The following VAMP4 variants were observed in gnomAD, a reference collection of about 807,000 sequenced individuals.
The protein encoded by VAMP4 is vesicle-associated membrane protein 4.
A neutral mutation model predicts 23.5 loss-of-function variants in VAMP4; 19 were observed. The observed-to-expected ratio is 0.81, with a 90% CI of 0.56 to 1.19. The LOEUF (loss-of-function observed/expected upper bound fraction) is 1.19. Ranked by LOEUF, VAMP4 falls within the 50% of genes most tolerant of loss-of-function variation. VAMP4 has a pLI of 0.00. For missense variants in VAMP4, 145 were observed against 168.6 expected (o/e 0.86, Z 0.78); for synonymous variants, 31 against 51.0 (o/e 0.61, Z 1.67).
At chr1:171,707,804 T>G (rs747299905) in intron 6 of VAMP4, among the ~76,000 whole-genome samples, 45 of 152,138 alleles carry the variant, frequency 3.0e-4, no homozygotes, top group Non-Finnish European at 3.8e-4. Flanking sequence ...AAGCACGCTA[T>G]TCCTCTGACC....
rs1191399204 is a variant in VAMP4 at position 171,700,982 on chromosome 1, A to G, written c.*3524T>C. 3 of 148,948 alleles carry G rather than the reference A, an allele frequency of 2.0e-5. No homozygotes were observed. The highest frequency in any genetic ancestry group is 3.0e-5 in the Non-Finnish European group (2 of 67,018). The allele number at this position is 148,948 out of a possible 1,614,324, so 9.2% of individuals were successfully genotyped here. ...CCTAATTCTACTTGGTTTCCAGAAGAAAAAAAAAATCAGAATAAGACTATC... is the reference window on the plus strand; with the variant it reads ...CCTAATTCTACTTGGTTTCCAGAAGGAAAAAAAAATCAGAATAAGACTATC... On this transcript the variant is annotated 3_prime_UTR_variant, in exon 8 of 8. Transcript: ENST00000236192.
chr1:171,720,473 A>G (rs1363866414), intron 3 of VAMP4, among the ~76,000 whole-genome samples: 1 of 151,964 alleles, frequency 6.6e-6, no homozygotes, highest in South Asian at 2.1e-4. Flanking sequence ...TTAAAACTTG[A>G]TAAACTTCTA....
intron 7 of VAMP4, among the ~76,000 whole-genome samples, chr1:171,704,836 G>T (rs1654598287): frequency 6.6e-6 from 1 of 151,884 alleles, no homozygotes; most frequent in South Asian, 2.1e-4. Context: ...ATATTTATTA[G>T]AAAGTACATA....
chr1:171,724,408 C>A (rs1251291579), intron 3 of VAMP4, among the ~76,000 whole-genome samples: 1 of 151,968 alleles, frequency 6.6e-6, no homozygotes, highest in Non-Finnish European at 1.5e-5. Flanking sequence ...ACCAACATGG[C>A]ACATGCATAC....
At chr1:171,708,660 A>G (rs1654739449) in intron 6 of VAMP4, among the ~76,000 whole-genome samples, 2 of 151,368 alleles carry the variant, frequency 1.3e-5, no homozygotes, top group Non-Finnish European at 2.9e-5. Flanking sequence ...CAGGAGTTCA[A>G]GACCAGCCTG....
Position 171,703,423 on chromosome 1 carries a change from GTGTATATA to G in VAMP4, c.*1075_*1082del, listed in dbSNP as rs1459679996. 1.0e-3 allele frequency: 82 copies of G among 81,924 alleles called. 1 individual carries two copies. Among genetic ancestry groups the G allele is most frequent in the East Asian group, 3.8e-3 (10 of 2,654 alleles). The allele number at this position is 81,924 out of a possible 1,614,324, so 5.1% of individuals were successfully genotyped here. On this transcript the variant is annotated 3_prime_UTR_variant, in exon 8 of 8. Coordinates refer to ENST00000236192, the MANE Select transcript of VAMP4 (RefSeq NM_003762.5). ...TGTGTGTGTGTGTGTGTGTGTTTGT[GTGTATATA>G]TATATATATATATATATATATATAT...
At chr1:171,726,267 GT>G (rs1183278346) in intron 3 of VAMP4, among the ~76,000 whole-genome samples, 1 of 151,572 alleles carries the variant, frequency 6.6e-6, no homozygotes, top group East Asian at 2.0e-4. Flanking sequence ...GGCCAGGCTG[GT>G]CTTGAACTCC....
intron 4 of VAMP4, among the ~76,000 whole-genome samples, chr1:171,715,434 C>A (rs868561790): frequency 3.9e-5 from 6 of 152,200 alleles, no homozygotes; most frequent in Middle Eastern, 3.4e-3. Flanking sequence ...TAATGTAGAG[C>A]CCCTGGGTTC....
chr1:171,731,429 A>T (rs935736569), intron 2 of VAMP4, among the ~76,000 whole-genome samples: 1 of 150,488 alleles, frequency 6.6e-6, no homozygotes, highest in Admixed American at 6.6e-5. Context: ...TAATAATAAA[A>T]AAAACAGGAT....
chr1:171,729,788 T>G (rs1371334137), intron 2 of VAMP4, among the ~76,000 whole-genome samples: 1 of 152,180 alleles, frequency 6.6e-6, no homozygotes, highest in African/African-American at 2.4e-5. Context: ...GCCTCCTAAG[T>G]AGCTGGGACT....
intron 2 of VAMP4, among the ~76,000 whole-genome samples, chr1:171,734,619 T>C (rs1226300917): frequency 6.6e-6 from 1 of 152,190 alleles, no homozygotes; most frequent in African/African-American, 2.4e-5. Flanking sequence ...TTTATCTCAA[T>C]AAAGCTATTA....
chr1:171,701,255 A>C lies in VAMP4; in HGVS notation c.*3251T>G, dbSNP rs1303799179. 6.6e-6 allele frequency: 1 copy of C among 152,198 alleles called. No homozygotes were observed. The highest frequency in any genetic ancestry group is 1.5e-5 in the Non-Finnish European group (1 of 68,018). 9.4% of individuals were successfully genotyped at this position (152,198 alleles called of 1,614,324 possible). ...AATCACATTTCCATGTGAAAACACA[A>C]AATTAGGTTAACAGAACAGTCATCC... is the stretch of plus-strand genomic sequence containing the variant. On this transcript the variant is annotated 3_prime_UTR_variant, in exon 8 of 8. Coordinates refer to ENST00000236192, the MANE Select transcript of VAMP4 (RefSeq NM_003762.5).
At chr1:171,730,651 C>T (rs1655530664) in intron 2 of VAMP4, among the ~76,000 whole-genome samples, 1 of 146,940 alleles carries the variant, frequency 6.8e-6, no homozygotes, top group African/African-American at 2.5e-5. Context: ...TTAACACTAC[C>T]ATTAAAATAT....
At chr1:171,732,296 G>T (rs1332650322) in intron 2 of VAMP4, among the ~76,000 whole-genome samples, 1 of 151,752 alleles carries the variant, frequency 6.6e-6, no homozygotes, top group Non-Finnish European at 1.5e-5. Flanking sequence ...CAAAGTGGGG[G>T]GATCACTTGA....
chr1:171,711,242 C>A (rs10798603), intron 4 of VAMP4, among the ~76,000 whole-genome samples: 1 of 151,794 alleles, frequency 6.6e-6, no homozygotes, highest in African/African-American at 2.4e-5. Context: ...AAGGAGGTAC[C>A]TTAACATACT....
intron 2 of VAMP4, 47 bp downstream of exon 2, chr1:171,738,302 A>C: frequency 6.2e-7 from 1 of 1,602,372 alleles, no homozygotes. Flanking sequence ...GGGAATGAAA[A>C]CATATTTTGA....
intron 4 of VAMP4, among the ~76,000 whole-genome samples, chr1:171,712,184 A>T (rs1654869583): frequency 6.6e-6 from 1 of 152,144 alleles, no homozygotes; most frequent in Non-Finnish European, 1.5e-5. Context: ...ATTTAAATAG[A>T]TGTAGATATG....
intron 3 of VAMP4, among the ~76,000 whole-genome samples, chr1:171,725,383 T>C (rs888645368): frequency 1.3e-5 from 2 of 152,162 alleles, no homozygotes; most frequent in African/African-American, 4.8e-5. Context: ...GGAGAATCAC[T>C]TGAGGTCAGG....
rs1234972291 is a variant in VAMP4 at position 171,738,399 on chromosome 1, T to A, written c.16A>T (p.Lys6Ter). ...ACATCATCATCATTGAGGTGGCGCT[T>A]AAACTTGGGAGGCATATTTTTTACT... The part of the protein sequence containing the change: MPPKF[K>*]RHLNDDDVTG... Residue 6 changes from lysine (K) to a stop codon, truncating the protein, a stop_gained, in exon 2 of 8, where the codon AAG becomes TAG. Transcript: ENST00000236192. LOFTEE classifies it high-confidence loss of function. 1 of 1,614,186 alleles carries A rather than the reference T, an allele frequency of 6.2e-7. No individual in the cohort carries two copies. Among genetic ancestry groups the A allele is most frequent in the African/African-American group, 1.3e-5 (1 of 75,056 alleles).
Sources: allele counts gnomAD v4.1 joint callset (sites outside exome capture counted in the v4.1 genomes callset), GRCh38; gene constraint gnomAD v4.1.1; transcripts MANE v1.5; gene names NCBI Gene and HGNC (gene_info 2026-07-23, HGNC 2026-07-21).